Variants in PARVA observed in about 807,000 individuals in gnomAD.
PARVA encodes the protein parvin alpha.
Under a neutral mutation model 52.6 loss-of-function variants are expected in PARVA, and 25 were observed. The ratio of observed to expected loss-of-function variants is 0.48; its 90% confidence interval spans 0.35 to 0.66. The LOEUF (loss-of-function observed/expected upper bound fraction) is 0.66. Ranked by LOEUF, PARVA falls within the 30% of genes least tolerant of loss-of-function variation. The probability of loss-of-function intolerance (pLI) is 0.01; values close to 1 mark genes in which losing one functional copy is unlikely to be tolerated. For synonymous variants in PARVA, 185 were observed against 179.1 expected (o/e 1.03, Z -0.26); for missense variants, 373 against 450.9 (o/e 0.83, Z 1.56).
Position 12,533,550 on chromosome 11 carries a change from C to A in PARVA, c.*5625C>A, listed in dbSNP as rs1941798128. Among the ~76,000 whole-genome samples, 1 of 152,098 alleles carries A rather than the reference C, an allele frequency of 6.6e-6. No individual in the cohort carries two copies. The highest frequency in any genetic ancestry group is 2.4e-5 in the African/African-American group (1 of 41,422). The stretch of plus-strand genomic sequence containing the variant: ...GGTTGATCCTTGAATGATATGGGCA[C>A]CGACCCCTGAGCAGCTGAAAATTTG... On this transcript the variant is annotated 3_prime_UTR_variant, in exon 13 of 13. Transcript: ENST00000334956.
At chr11:12,438,663 G>A (rs1940421705) in intron 1 of PARVA, among the ~76,000 whole-genome samples, 1 of 152,050 alleles carries the variant, frequency 6.6e-6, no homozygotes, top group African/African-American at 2.4e-5. Context: ...GGCCTACTTT[G>A]TCTCCAGCTT....
chr11:12,525,819 T>C (rs979785025), intron 12 of PARVA, among the ~76,000 whole-genome samples: 5 of 152,106 alleles, frequency 3.3e-5, no homozygotes, highest in African/African-American at 1.2e-4. Context: ...TGGAAGCCCC[T>C]GGTCTATCAG....
intron 1 of PARVA, among the ~76,000 whole-genome samples, chr11:12,404,237 C>T (rs934665544): frequency 6.6e-6 from 1 of 152,024 alleles, no homozygotes; most frequent in Non-Finnish European, 1.5e-5. Context: ...GCATTACCAT[C>T]AGGTCTTAGG....
chr11:12,425,387 C>G (rs1036979809), intron 1 of PARVA, among the ~76,000 whole-genome samples: 3 of 152,138 alleles, frequency 2.0e-5, no homozygotes, highest in African/African-American at 7.2e-5. Context: ...CAAGGCCTTC[C>G]CTCACCCCGC....
intron 12 of PARVA, among the ~76,000 whole-genome samples, chr11:12,523,261 A>G (rs1469090976): frequency 1.3e-5 from 2 of 152,108 alleles, no homozygotes; most frequent in African/African-American, 4.8e-5. Context: ...GCGAGACAGG[A>G]TGAGATAGAG....
At position 12,532,503 on chromosome 11, in the gene PARVA, G is replaced by A. The variant is rs186709350; in HGVS notation, c.*4578G>A. ...CAGGACTTCATTTAGTCATATATTC[G>A]GCAAGTATGTGTTGAGTGCAGCATG... On this transcript the variant is annotated 3_prime_UTR_variant, in exon 13 of 13. Transcript: ENST00000334956. 6.6e-5 allele frequency among the ~76,000 whole-genome samples: 10 copies of A among 152,190 alleles called. No individual in the cohort carries two copies. The highest frequency in any genetic ancestry group is 1.9e-4 in the African/African-American group (8 of 41,516).
At chr11:12,524,876 G>T (rs927125872) in intron 12 of PARVA, among the ~76,000 whole-genome samples, 1 of 152,214 alleles carries the variant, frequency 6.6e-6, no homozygotes, top group Non-Finnish European at 1.5e-5. Flanking sequence ...ATTTACACCT[G>T]GAGTGAGTAC....
chr11:12,515,947 C>T (rs1941562274), intron 10 of PARVA, among the ~76,000 whole-genome samples: 1 of 152,186 alleles, frequency 6.6e-6, no homozygotes, highest in East Asian at 1.9e-4. Flanking sequence ...GGTGATCCTC[C>T]CACCCCAGTC....
rs1296859062 is a variant in PARVA at position 12,531,284 on chromosome 11, A to G, written c.*3359A>G. On this transcript the variant is annotated 3_prime_UTR_variant, in exon 13 of 13. Coordinates refer to ENST00000334956, the MANE Select transcript of PARVA (RefSeq NM_018222.5). ...TGCCTCGAGTTGGTTGCAATTTTCA[A>G]TTGCTGCTATTGGTGCTTTTTAATT... Among the ~76,000 whole-genome samples, 20 of 152,284 alleles carry G rather than the reference A, an allele frequency of 1.3e-4. No homozygotes were observed. Among genetic ancestry groups the G allele is most frequent in the Admixed American group, 9.1e-4 (14 of 15,304 alleles).
chr11:12,496,405 G>C (rs1365621984), intron 4 of PARVA, 53 bp from the exon 5 acceptor site: 13 of 1,563,036 alleles, frequency 8.3e-6, no homozygotes, highest in African/African-American at 2.7e-5. Flanking sequence ...CATGCAGTAG[G>C]GTTGTCTGGG....
At chr11:12,460,430 T>TA (rs991307063) in intron 1 of PARVA, among the ~76,000 whole-genome samples, 7 of 152,126 alleles carry the variant, frequency 4.6e-5, no homozygotes, top group Non-Finnish European at 1.0e-4. Context: ...TTAATACATG[T>TA]AAAAAACCAA....
At chr11:12,436,789 G>A (rs1475170944) in intron 1 of PARVA, among the ~76,000 whole-genome samples, 3 of 152,068 alleles carry the variant, frequency 2.0e-5, no homozygotes, top group Admixed American at 2.0e-4. Context: ...AGGAAAGGAT[G>A]GAAATGCAAA....
At chr11:12,511,563 T>C in intron 8 of PARVA, 30 bp downstream of exon 8, 2 of 1,611,712 alleles carry the variant, frequency 1.2e-6, no homozygotes, top group East Asian at 2.2e-5. Context: ...CCTCTGGCAC[T>C]GGTGGCTGCA....
At chr11:12,505,045 C>T (rs1009828584) in intron 6 of PARVA, among the ~76,000 whole-genome samples, 1 of 152,054 alleles carries the variant, frequency 6.6e-6, no homozygotes. Context: ...GATGGAATTT[C>T]CATTCACATA....
chr11:12,392,846 G>T (rs1449202023), intron 1 of PARVA, among the ~76,000 whole-genome samples: 1 of 151,954 alleles, frequency 6.6e-6, no homozygotes, highest in Admixed American at 6.5e-5. Context: ...GTACACACTG[G>T]ATCTCCTTCA....
chr11:12,487,535 A>C (rs1350729681), intron 4 of PARVA, among the ~76,000 whole-genome samples: 1 of 152,216 alleles, frequency 6.6e-6, no homozygotes, highest in Non-Finnish European at 1.5e-5. Context: ...TCAATAGCCA[A>C]ATGTAGCTAG....
intron 1 of PARVA, among the ~76,000 whole-genome samples, chr11:12,387,908 A>G (rs1475479232): frequency 1.3e-5 from 2 of 152,172 alleles, no homozygotes; most frequent in East Asian, 1.9e-4. Context: ...CAATAGCAAG[A>G]TTTAGGAGAG....
At chr11:12,489,823 A>G (rs1941209263) in intron 4 of PARVA, among the ~76,000 whole-genome samples, 1 of 152,266 alleles carries the variant, frequency 6.6e-6, no homozygotes, top group Admixed American at 6.5e-5. Context: ...AATACTGAAG[A>G]TATCAAAATA....
chr11:12,416,818 G>A (rs1940073530), intron 1 of PARVA, among the ~76,000 whole-genome samples: 1 of 152,002 alleles, frequency 6.6e-6, no homozygotes, highest in Admixed American at 6.6e-5. Flanking sequence ...GAGGGCACGA[G>A]GGCAGAGAGA....
Sources: gnomAD v4.1 joint callset for allele counts (sites outside exome capture counted in the v4.1 genomes callset) on GRCh38, gnomAD v4.1.1 for gene constraint, MANE v1.5 for transcripts, NCBI Gene and HGNC (gene_info 2026-07-23, HGNC 2026-07-21) for gene names.